The following ATF1 variants were observed in gnomAD, a reference collection of about 807,000 sequenced individuals.
The protein encoded by ATF1 is activating transcription factor 1.
ATF1 carries 16 observed loss-of-function variants against 34.7 expected under a neutral mutation model. The observed-to-expected ratio is 0.46, with a 90% CI of 0.31 to 0.70. The LOEUF is 0.70. Among genes scored for constraint, ATF1 ranks in the 30% least tolerant of loss-of-function variants. The pLI is 0.05. For synonymous variants in ATF1, 105 were observed against 113.1 expected (o/e 0.93, Z 0.46); for missense variants, 255 against 321.6 (o/e 0.79, Z 1.58).
At chr12:50,817,520 G>T (rs144666632) in intron 6 of ATF1, among the ~76,000 whole-genome samples, 33 of 152,068 alleles carry the variant, frequency 2.2e-4, no homozygotes, top group Non-Finnish European at 3.4e-4. Flanking sequence ...GAGATGTCAC[G>T]TAGCAAAAAT....
At chr12:50,816,709 A>G (rs942153335) in intron 6 of ATF1, among the ~76,000 whole-genome samples, 14 of 152,248 alleles carry the variant, frequency 9.2e-5, no homozygotes, top group Admixed American at 9.2e-4. Context: ...CCTGGGCAAT[A>G]TAGGGAGACC....
chr12:50,809,263 A>T (rs1941680943), intron 3 of ATF1, among the ~76,000 whole-genome samples, 193 bp from the exon 4 acceptor site: 1 of 151,390 alleles, frequency 6.6e-6, no homozygotes, highest in Admixed American at 6.6e-5. Context: ...GGTCTCAGCT[A>T]CTTGGGAGGC....
intron 2 of ATF1, among the ~76,000 whole-genome samples, chr12:50,780,744 C>T (rs368984882): frequency 6.6e-6 from 1 of 151,840 alleles, no homozygotes; most frequent in African/African-American, 2.4e-5. Context: ...GGGCGGATCA[C>T]GAGGTCAAGA....
rs369171865 is a variant in ATF1 at position 50,777,243 on chromosome 12, GTACAT to G, written c.-6-2896_-6-2892del. ...ATACAAAATATGAGGATACAAAGTAGTACATGTAGTATGGTTATGACTTTAAGAAG... is the reference window on the plus strand; with the variant it reads ...ATACAAAATATGAGGATACAAAGTAGGTAGTATGGTTATGACTTTAAGAAG... On this transcript the variant is annotated intron_variant, in intron 1 of 6. Coordinates refer to ENST00000262053, the MANE Select transcript of ATF1 (RefSeq NM_005171.5). 1.4e-3 allele frequency among the ~76,000 whole-genome samples: 208 copies of G among 152,300 alleles called. 2 individuals carry two copies. The highest frequency in any genetic ancestry group is 4.8e-3 in the African/African-American group (200 of 41,570).
At chr12:50,812,292 C>T (rs545697795) in intron 4 of ATF1, among the ~76,000 whole-genome samples, 4 of 152,108 alleles carry the variant, frequency 2.6e-5, no homozygotes, top group South Asian at 2.1e-4. Flanking sequence ...GCAGTTTTCA[C>T]CACTGAACAT....
Position 50,774,304 on chromosome 12 carries a change from G to A in ATF1, c.-6-5836G>A, listed in dbSNP as rs561373461. Among the ~76,000 whole-genome samples, 9 of 152,268 alleles carry A rather than the reference G, an allele frequency of 5.9e-5. No individual in the cohort carries two copies. The South Asian group carries it at 1.9e-3, about 32-fold the overall frequency. The stretch of plus-strand genomic sequence containing the variant: ...CCCACCTCGGCCTCCCAAAGTGTTG[G>A]GATTACAGGCGTGAGCCACCGCGCC... On this transcript the variant is annotated intron_variant, in intron 1 of 6. Coordinates refer to ENST00000262053, the MANE Select transcript of ATF1 (RefSeq NM_005171.5).
At position 50,795,643 on chromosome 12, in the gene ATF1, G is replaced by A. The variant is rs74786506; in HGVS notation, c.94-266G>A. Among the ~76,000 whole-genome samples the A allele has an allele frequency of 1.4e-3, 207 of 152,014 alleles. 2 individuals are homozygous for A. The highest frequency in any genetic ancestry group is 4.8e-3 in the African/African-American group (199 of 41,512). On this transcript the variant is annotated intron_variant, in intron 2 of 6. Coordinates refer to ENST00000262053, the MANE Select transcript of ATF1 (RefSeq NM_005171.5). ...ATCAGAGCCTGGTCTTTTTAACTCT[G>A]GTAAAATAGTACTGCTTCATTTGGG...
chr12:50,804,934 C>A (rs1480907942), intron 3 of ATF1, among the ~76,000 whole-genome samples: 1 of 151,818 alleles, frequency 6.6e-6, no homozygotes, highest in Non-Finnish European at 1.5e-5. Flanking sequence ...GCCTCAGCCT[C>A]AAGTAGTGGG....
At chr12:50,774,784 G>A (rs1314051766) in intron 1 of ATF1, among the ~76,000 whole-genome samples, 1 of 145,336 alleles carries the variant, frequency 6.9e-6, no homozygotes, top group South Asian at 2.1e-4. Context: ...GTCTCACTCT[G>A]TCGCCCAGGC....
chr12:50,798,434 G>GAGT (rs1236312806), intron 3 of ATF1, among the ~76,000 whole-genome samples: 1 of 151,226 alleles, frequency 6.6e-6, no homozygotes, highest in African/African-American at 2.4e-5. Context: ...TCAGTCTTCC[G>GAGT]AGTAGCTGGG....
intron 1 of ATF1, among the ~76,000 whole-genome samples, chr12:50,773,175 A>G (rs1940820505): frequency 6.6e-6 from 1 of 152,204 alleles, no homozygotes; most frequent in Non-Finnish European, 1.5e-5. Context: ...ATTGATGGGC[A>G]TATGGGTTGA....
At chr12:50,781,602 C>T (rs1041971881) in intron 2 of ATF1, among the ~76,000 whole-genome samples, 1 of 151,964 alleles carries the variant, frequency 6.6e-6, no homozygotes, top group Non-Finnish European at 1.5e-5. Flanking sequence ...AGGCGCCCAC[C>T]ACCACACCCA....
chr12:50,807,954 C>T (rs749580682), intron 3 of ATF1, among the ~76,000 whole-genome samples: 7 of 151,940 alleles, frequency 4.6e-5, no homozygotes, highest in Non-Finnish European at 7.4e-5. Flanking sequence ...GAATTACAGG[C>T]GTGAGCCACC....
At position 50,792,768 on chromosome 12, in the gene ATF1, C is replaced by CT. The variant is rs372330440; in HGVS notation, c.94-3130dup. Among the ~76,000 whole-genome samples the CT allele has an allele frequency of 8.6e-4, 125 of 144,764 alleles. 1 individual carries two copies. The highest frequency in any genetic ancestry group is 1.9e-3 in the Admixed American group (28 of 14,412). The allele number at this position is 144,764 out of a possible 152,430, so 95.0% of individuals were successfully genotyped here. On this transcript the variant is annotated intron_variant, in intron 2 of 6. Transcript: ENST00000262053. ...GCTTATGATTTAAGGAAATGAGGGACTTTTTTTTTTTAAAGGGAAAGCACC... is the reference window on the plus strand; with the variant it reads ...GCTTATGATTTAAGGAAATGAGGGACTTTTTTTTTTTTAAAGGGAAAGCACC...
intron 2 of ATF1, chr12:50,788,374 T>TG (rs1192552803): frequency 5.6e-6 from 2 of 359,226 alleles, no homozygotes; most frequent in Non-Finnish European, 1.1e-5. Flanking sequence ...TTTGTAGAGA[T>TG]GGGGTTTTGC....
intron 1 of ATF1, among the ~76,000 whole-genome samples, chr12:50,776,826 C>T (rs1408511126): frequency 6.6e-6 from 1 of 152,052 alleles, no homozygotes; most frequent in East Asian, 1.9e-4. Flanking sequence ...GTAAAAAATA[C>T]AATTTATGCA....
rs966317036 is a variant in ATF1, at chr12:50,815,313, C to T, written c.671+874C>T. The stretch of plus-strand genomic sequence containing the variant: ...TGATCCTGACCCTAGGCTAGTTAGC[C>T]TAGGCTAATGTTGGTGTTGGTGTCT... On this transcript the variant is annotated intron_variant, in intron 6 of 6. Coordinates refer to ENST00000262053, the MANE Select transcript of ATF1 (RefSeq NM_005171.5). 1.1e-4 allele frequency among the ~76,000 whole-genome samples: 16 copies of T among 141,452 alleles called. 1 individual carries two copies. In the South Asian group the frequency reaches 2.3e-3, roughly 20 times the overall value. The allele number at this position is 141,452 out of a possible 152,430, so 92.8% of individuals were successfully genotyped here. A position where few individuals can be genotyped will look rare whatever the true frequency, so the allele number is the denominator to read the frequency against.
chr12:50,764,386 A>G (rs1170348454), intron 1 of ATF1, 79 bp downstream of exon 1: 15 of 143,764 alleles, frequency 1.0e-4, no homozygotes, highest in Non-Finnish European at 1.7e-4. Flanking sequence ...GCGGGGACGC[A>G]GCGCGGGTCG....
chr12:50,800,859 G>C (rs1941498186), intron 3 of ATF1, among the ~76,000 whole-genome samples: 1 of 152,192 alleles, frequency 6.6e-6, no homozygotes, highest in Non-Finnish European at 1.5e-5. Flanking sequence ...CAGCACTTTG[G>C]GAGGCTGAGG....
Sources: gnomAD v4.1 joint callset for allele counts (sites outside exome capture counted in the v4.1 genomes callset) on GRCh38, gnomAD v4.1.1 for gene constraint, MANE v1.5 for transcripts, NCBI Gene and HGNC (gene_info 2026-07-23, HGNC 2026-07-21) for gene names.